Variants in TNFSF9 observed in about 807,000 individuals in gnomAD.
TNFSF9 encodes the protein TNF superfamily member 9.
TNFSF9 carries 10 observed loss-of-function variants against 10.3 expected under a neutral mutation model. The observed-to-expected ratio is 0.97, with a 90% CI of 0.60 to 1.65. The LOEUF is 1.65. Ranked by LOEUF, TNFSF9 falls within the 40% of genes most tolerant of loss-of-function variation. TNFSF9 has a pLI of 0.00. For missense variants in TNFSF9, 361 were observed against 348.9 expected (o/e 1.03, Z -0.28); for synonymous variants, 195 against 176.1 (o/e 1.11, Z -0.85).
At chr19:6,532,591 TTGTGTTTGTGTTCG>T (rs1915173462) in intron 1 of TNFSF9, among the ~76,000 whole-genome samples, 181 bp from the exon 2 acceptor site, 1 of 147,808 alleles carries the variant, frequency 6.8e-6, no homozygotes, top group Non-Finnish European at 1.5e-5. Context: ...GTGTGTTCGT[TTGTGTTTGTGTTCG>T]TGTGTTTGTG....
At chr19:6,531,560 AC>A (rs1270694006) in intron 1 of TNFSF9, among the ~76,000 whole-genome samples, 8 of 149,042 alleles carry the variant, frequency 5.4e-5, no homozygotes, top group African/African-American at 1.2e-4. Flanking sequence ...TTCTTTTTGG[AC>A]CCCCCAAGGG....
chr19:6,534,828 C>T lies in TNFSF9; in HGVS notation c.527C>T (p.Ala176Val). Reference protein sequence around the residue: ...HLQPLRSAAGAAALALTVDLP... With the variant: ...HLQPLRSAAGVAALALTVDLP... The stretch of plus-strand genomic sequence containing the variant: ...CAGCCACTGCGCTCTGCTGCTGGGG[C>T]CGCCGCCCTGGCTTTGACCGTGGAC... The change falls in exon 3 of 3, where the codon GCC (alanine) becomes GTC (valine). Residue 176 changes from alanine (A) to valine (V), a missense_variant. Physicochemically the swap from Ala to Val is moderately conservative, Grantham distance 64 (BLOSUM62 0). Transcript: ENST00000245817. 6.2e-7 allele frequency: 1 copy of T among 1,604,808 alleles called. No individual in the cohort carries two copies. Among genetic ancestry groups the T allele is most frequent in the Non-Finnish European group, 8.5e-7 (1 of 1,177,292 alleles).
At chr19:6,531,639 C>T (rs1915149261) in intron 1 of TNFSF9, among the ~76,000 whole-genome samples, 1 of 151,940 alleles carries the variant, frequency 6.6e-6, no homozygotes, top group African/African-American at 2.4e-5. Flanking sequence ...ATCTGTATCC[C>T]GGGAGGGGGA....
intron 1 of TNFSF9, among the ~76,000 whole-genome samples, chr19:6,532,433 G>GCGTT (rs1915168723): frequency 3.8e-5 from 1 of 26,570 alleles, no homozygotes; most frequent in Non-Finnish European, 8.6e-5. Flanking sequence ...GTTCGTGTGG[G>GCGTT]TGTTTGTGTT....
At chr19:6,531,428 A>G (rs1915144295) in intron 1 of TNFSF9, 125 bp downstream of exon 1, 1 of 1,292,056 alleles carries the variant, frequency 7.7e-7, no homozygotes, top group Non-Finnish European at 1.0e-6. Flanking sequence ...GGGAGAGGAG[A>G]CCCACCGGGG....
At position 6,535,016 on chromosome 19, in the gene TNFSF9, C is replaced by T. The variant is rs751838766; in HGVS notation, c.715C>T (p.Arg239Trp). 1.7e-5 allele frequency: 27 copies of T among 1,590,462 alleles called. No individual in the cohort carries two copies. In the East Asian group the frequency reaches 1.8e-4, roughly 11 times the overall value. ...TQGATVLGLF[R>W]VTPEIPAGLP... The stretch of plus-strand genomic sequence containing the variant: ...GGGCGCCACAGTCTTGGGACTCTTC[C>T]GGGTGACCCCCGAAATCCCAGCCGG... Residue 239 changes from arginine (R) to tryptophan (W), a missense_variant, in exon 3 of 3, where the codon CGG (arginine) becomes TGG (tryptophan). Physicochemically the swap from Arg to Trp is moderately radical, Grantham distance 101. Transcript: ENST00000245817.
chr19:6,532,812 A>G lies in TNFSF9; in HGVS notation c.294A>G (p.Gln98=). Residue 98 remains glutamine (Q), a synonymous_variant, in exon 2 of 3, where the codon CAA becomes CAG. Coordinates refer to ENST00000245817, the MANE Select transcript of TNFSF9 (RefSeq NM_003811.4). ...GCATGTTTGCGCAGCTGGTGGCCCA[A>G]AATGGTAAGTATCCTCCGCCACTTC... ...RQGMFAQLVA[Q]NVLLIDGPLS... 6.2e-7 allele frequency: 1 copy of G among 1,613,780 alleles called. No individual in the cohort carries two copies. The highest frequency in any genetic ancestry group is 8.5e-7 in the Non-Finnish European group (1 of 1,179,798).
Position 6,532,822 on chromosome 19 carries a change from T to C in TNFSF9, c.298+6T>C. 1 of 1,613,756 alleles carries C rather than the reference T, an allele frequency of 6.2e-7. No homozygotes were observed. Among genetic ancestry groups the C allele is most frequent in the Non-Finnish European group, 8.5e-7 (1 of 1,179,790 alleles). On this transcript the variant is annotated splice_donor_region_variant and intron_variant, in intron 2 of 2. Coordinates refer to ENST00000245817, the MANE Select transcript of TNFSF9 (RefSeq NM_003811.4). The stretch of plus-strand genomic sequence containing the variant: ...GCAGCTGGTGGCCCAAAATGGTAAG[T>C]ATCCTCCGCCACTTCCGGTCCCTGG...
intron 1 of TNFSF9, among the ~76,000 whole-genome samples, chr19:6,531,718 C>T (rs1915150677): frequency 1.3e-5 from 2 of 152,040 alleles, no homozygotes; most frequent in South Asian, 2.1e-4. Flanking sequence ...CGGGAGGGCA[C>T]CCCTTTCATT....
rs150427368 is a variant in TNFSF9 at position 6,531,051 on chromosome 19, T to C, written c.15T>C (p.Ser5=). 2 of 1,611,066 alleles carry C rather than the reference T, an allele frequency of 1.2e-6. No homozygotes were observed. Among genetic ancestry groups the C allele is most frequent in the Non-Finnish European group, 8.5e-7 (1 of 1,179,106 alleles). Reference sequence around the variant, plus strand: ...AGTCTCTCGTCATGGAATACGCCTCTGACGCTTCACTGGACCCCGAAGCCC... The same window carrying C: ...AGTCTCTCGTCATGGAATACGCCTCCGACGCTTCACTGGACCCCGAAGCCC... MEYA[S]DASLDPEAPW... Residue 5 remains serine, a synonymous_variant, in exon 1 of 3, where the codon TCT becomes TCC. Coordinates refer to ENST00000245817, the MANE Select transcript of TNFSF9 (RefSeq NM_003811.4).
In TNFSF9 at chr19:6,534,581, G is replaced by A. The variant is rs2234179; in HGVS notation, c.299-19G>A. The stretch of plus-strand genomic sequence containing the variant: ...TGGGACATGCTCAGCTAAGCTAAGT[G>A]CATGCTTTCCTCCCACAGTTCTGCT... On this transcript the variant is annotated intron_variant, in intron 2 of 2. Coordinates refer to ENST00000245817, the MANE Select transcript of TNFSF9 (RefSeq NM_003811.4). 4.7e-3 allele frequency: 7,230 copies of A among 1,550,032 alleles called. 307 individuals are homozygous for A. In the African/African-American group the frequency reaches 0.088, roughly 19 times the overall value.
chr19:6,534,192 C>A (rs1415644570), intron 2 of TNFSF9, among the ~76,000 whole-genome samples: 2 of 150,490 alleles, frequency 1.3e-5, no homozygotes, highest in African/African-American at 4.9e-5. Context: ...ACTCGCCTGG[C>A]CTTTTGCTTT....
At chr19:6,532,353 ATGTGTGTG>A (rs371246733) in intron 1 of TNFSF9, among the ~76,000 whole-genome samples, 1 of 67,092 alleles carries the variant, frequency 1.5e-5, no homozygotes, top group African/African-American at 5.7e-5. Flanking sequence ...GGGGGTGCGT[ATGTGTGTG>A]TGTTCGTGGG....
In TNFSF9 at chr19:6,535,626, C is replaced by T. The variant is rs348389; in HGVS notation, c.*560C>T. ...AATTTAAAGACTCATCCCCAGCCTC[C>T]ACCTCCTGTGTGATACTTGGGGGCT... On this transcript the variant is annotated 3_prime_UTR_variant, in exon 3 of 3. Transcript: ENST00000245817. The T allele has an allele frequency of 0.41, 62,707 of 151,902 alleles. 14,134 individuals carry two copies. Among genetic ancestry groups the T allele is most frequent in the African/African-American group, 0.6 (24,892 of 41,402 alleles). The allele number at this position is 151,902 out of a possible 1,614,324, so 9.4% of individuals were successfully genotyped here. A position where few individuals can be genotyped will look rare whatever the true frequency, so the allele number is the denominator to read the frequency against.
intron 1 of TNFSF9, 114 bp downstream of exon 1, chr19:6,531,417 G>C: frequency 1.5e-6 from 2 of 1,331,944 alleles, no homozygotes; most frequent in Non-Finnish European, 1.9e-6. Flanking sequence ...ACTCCCGGCC[G>C]GGGAGAGGAG....
Position 6,535,061 on chromosome 19 carries a change from G to T in TNFSF9, c.760G>T (p.Glu254Ter). ...AGCCGGACTCCCTTCACCGAGGTCG[G>T]AATAACGTCCAGCCTGGGTGCAGCC... Reference protein sequence around the residue: ...IPAGLPSPRSE With the variant: ...IPAGLPSPRS The change falls in exon 3 of 3, where the codon GAA becomes TAA. Residue 254 changes from glutamate (E) to a stop codon, truncating the protein, a stop_gained. Transcript: ENST00000245817. LOFTEE classifies it high-confidence loss of function. 1 of 1,555,098 alleles carries T rather than the reference G, an allele frequency of 6.4e-7. No homozygotes were observed. Among genetic ancestry groups the T allele is most frequent in the Non-Finnish European group, 8.7e-7 (1 of 1,148,938 alleles).
In TNFSF9 at chr19:6,533,400, C is replaced by G. The variant is rs889809032; in HGVS notation, c.298+584C>G. Among the ~76,000 whole-genome samples the G allele has an allele frequency of 7.6e-5, 10 of 131,852 alleles. No individual in the cohort carries two copies. The East Asian group carries it at 1.4e-3, about 18-fold the overall frequency. The allele number at this position is 131,852 out of a possible 152,430, so 86.5% of individuals were successfully genotyped here. On this transcript the variant is annotated intron_variant, in intron 2 of 2. Transcript: ENST00000245817. ...CCCGTCCAGAGACTTCTTCCCCGCT[C>G]GAGACCTCTTCCCCCTTCCCCTCCC...
At chr19:6,534,526 T>C (rs757408883) in intron 2 of TNFSF9, 74 bp from the exon 3 acceptor site, 63 of 1,205,264 alleles carry the variant, frequency 5.2e-5, no homozygotes, top group Non-Finnish European at 6.6e-5. Context: ...TGCGCTGACA[T>C]GTTCGGTGCT....
Position 6,531,199 on chromosome 19 carries a change from G to T in TNFSF9, c.163G>T (p.Val55Leu). Residue 55 changes from valine to leucine, a missense_variant, in exon 1 of 3, where the codon GTG becomes TTG. Transcript: ENST00000245817. ...CAVFLACPWA[V>L]SGARASPGSA... ...CGTCTTCCTCGCCTGCCCCTGGGCC[G>T]TGTCCGGGGCTCGCGCCTCGCCCGG... is the stretch of plus-strand genomic sequence containing the variant. 6.4e-7 allele frequency: 1 copy of T among 1,558,782 alleles called. No individual in the cohort carries two copies. Among genetic ancestry groups the T allele is most frequent in the Admixed American group, 1.9e-5 (1 of 52,294 alleles).
Sources: allele counts gnomAD v4.1 joint callset (sites outside exome capture counted in the v4.1 genomes callset), GRCh38; gene constraint gnomAD v4.1.1; transcripts MANE v1.5; gene names NCBI Gene and HGNC (gene_info 2026-07-23, HGNC 2026-07-21).